Variants in MAD1L1 observed in about 807,000 individuals in gnomAD.
The protein encoded by MAD1L1 is mitotic arrest deficient 1 like 1.
Under a neutral mutation model 96.9 loss-of-function variants are expected in MAD1L1, and 95 were observed. The observed-to-expected ratio is 0.98, with a 90% CI of 0.83 to 1.16. The LOEUF (loss-of-function observed/expected upper bound fraction) is 1.16, where lower values mean the gene tolerates loss of function less well. Among genes scored for constraint, MAD1L1 ranks in the 50% most tolerant of loss-of-function variants. MAD1L1 has a pLI of 0.00. For synonymous variants in MAD1L1, 473 were observed against 396.6 expected (o/e 1.19, Z -2.29); for missense variants, 1,007 against 954.4 (o/e 1.06, Z -0.73).
At chr7:2,135,909 T>C (rs1370304646) in intron 11 of MAD1L1, among the ~76,000 whole-genome samples, 1 of 152,216 alleles carries the variant, frequency 6.6e-6, no homozygotes, top group Admixed American at 6.5e-5. Context: ...GCCAGGCATT[T>C]GGGAAGCGTG....
intron 17 of MAD1L1, among the ~76,000 whole-genome samples, chr7:1,928,865 C>T (rs1789257703): frequency 1.3e-5 from 2 of 152,210 alleles, no homozygotes; most frequent in African/African-American, 2.4e-5. Flanking sequence ...CTCCACAGTG[C>T]TTGTCCTGGT....
chr7:1,896,642 C>A (rs542150088), intron 18 of MAD1L1, among the ~76,000 whole-genome samples: 1 of 152,236 alleles, frequency 6.6e-6, no homozygotes, highest in African/African-American at 2.4e-5. Context: ...GGCCACCTTT[C>A]GCGGGAAGAT....
intron 11 of MAD1L1, among the ~76,000 whole-genome samples, chr7:2,144,400 G>A (rs980947850): frequency 3.9e-5 from 6 of 152,154 alleles, no homozygotes; most frequent in South Asian, 2.1e-4. Context: ...CCCCGCTCCC[G>A]CCACCAGCCC....
intron 10 of MAD1L1, among the ~76,000 whole-genome samples, chr7:2,153,240 T>A (rs1789667185): frequency 6.6e-6 from 1 of 151,814 alleles, no homozygotes; most frequent in Non-Finnish European, 1.5e-5. Flanking sequence ...ATCAACAGAG[T>A]GAAGAGACAG....
chr7:1,944,810 G>T (rs1253939075), intron 16 of MAD1L1, among the ~76,000 whole-genome samples: 1 of 152,186 alleles, frequency 6.6e-6, no homozygotes, highest in African/African-American at 2.4e-5. Flanking sequence ...ACGTCAGGGT[G>T]TGCCCACAGG....
At chr7:2,180,141 A>G (rs1208667802) in intron 10 of MAD1L1, among the ~76,000 whole-genome samples, 1 of 152,224 alleles carries the variant, frequency 6.6e-6, no homozygotes, top group African/African-American at 2.4e-5. Flanking sequence ...GCTGACACAG[A>G]AAAGCTAAGA....
chr7:2,211,534 G>A (rs1004965113), intron 10 of MAD1L1, among the ~76,000 whole-genome samples: 1 of 152,256 alleles, frequency 6.6e-6, no homozygotes, highest in Non-Finnish European at 1.5e-5. Context: ...TCCCTTCACA[G>A]GAAAGAAGTC....
intron 11 of MAD1L1, among the ~76,000 whole-genome samples, chr7:2,075,286 C>T (rs965595966): frequency 1.8e-4 from 27 of 152,216 alleles, no homozygotes; most frequent in Non-Finnish European, 3.1e-4. Context: ...GTGCTGCCCA[C>T]CCAGGCGTGC....
intron 10 of MAD1L1, among the ~76,000 whole-genome samples, chr7:2,191,180 G>A (rs1014844707): frequency 7.2e-5 from 11 of 152,148 alleles, no homozygotes; most frequent in Admixed American, 5.2e-4. Context: ...ACTGCATGAC[G>A]TATGATTCCA....
rs111676405 is a variant in MAD1L1 at position 2,186,792 on chromosome 7, C to CT, written c.986+26419dup. Among the ~76,000 whole-genome samples, 1,338 of 143,064 alleles carry CT rather than the reference C, an allele frequency of 9.4e-3. 22 individuals are homozygous for CT. Among genetic ancestry groups the CT allele is most frequent in the African/African-American group, 0.027 (1,070 of 39,046 alleles). The allele number at this position is 143,064 out of a possible 152,430, so 93.9% of individuals were successfully genotyped here. ...GTAACATCAAAACTATTTTCTTTTT[C>CT]TTTTTTTTTTTTTTTCTCTGAGACG... is the stretch of plus-strand genomic sequence containing the variant. On this transcript the variant is annotated intron_variant, in intron 10 of 18. Transcript: ENST00000265854.
intron 9 of MAD1L1, among the ~76,000 whole-genome samples, chr7:2,215,310 G>A (rs532385293): frequency 3.3e-5 from 5 of 151,038 alleles, no homozygotes; most frequent in African/African-American, 7.3e-5. Context: ...CCCGGGAGGC[G>A]GAGGTTGCAG....
intron 11 of MAD1L1, among the ~76,000 whole-genome samples, chr7:2,135,702 T>C (rs755308721): frequency 2.2e-4 from 33 of 152,282 alleles, no homozygotes; most frequent in Non-Finnish European, 4.0e-4. Context: ...CCACCAGCTC[T>C]CGCCACCTCT....
At chr7:2,138,030 G>A (rs773678391) in intron 11 of MAD1L1, among the ~76,000 whole-genome samples, 157 of 152,352 alleles carry the variant, frequency 1.0e-3, no homozygotes, top group East Asian at 5.8e-4. Flanking sequence ...TACTGACAGC[G>A]CGGGCCAGCC....
intron 16 of MAD1L1, among the ~76,000 whole-genome samples, chr7:1,942,923 T>A (rs939656393): frequency 6.6e-6 from 1 of 152,132 alleles, no homozygotes; most frequent in Non-Finnish European, 1.5e-5. Context: ...GGTGTGGGCA[T>A]GAGGACCGAC....
chr7:2,208,360 G>A (rs995574779), intron 10 of MAD1L1, among the ~76,000 whole-genome samples: 3 of 151,656 alleles, frequency 2.0e-5, no homozygotes, highest in African/African-American at 7.3e-5. Flanking sequence ...TCCAGGTACA[G>A]TTTTACTTCC....
chr7:2,099,280 C>T (rs147158903), intron 11 of MAD1L1, among the ~76,000 whole-genome samples: 3 of 152,364 alleles, frequency 2.0e-5, no homozygotes, highest in Non-Finnish European at 4.4e-5. Context: ...CTGTGCACTC[C>T]GGCGCCCGGC....
At chr7:1,824,463 T>C (rs1782286250) in intron 18 of MAD1L1, among the ~76,000 whole-genome samples, 1 of 152,176 alleles carries the variant, frequency 6.6e-6, no homozygotes, top group Admixed American at 6.5e-5. Context: ...GAGGAAACCC[T>C]GTGCCCACGT....
intron 12 of MAD1L1, among the ~76,000 whole-genome samples, chr7:2,019,630 TG>T (rs1782693039): frequency 6.6e-6 from 1 of 151,064 alleles, no homozygotes. Flanking sequence ...GGGTTGGGGG[TG>T]GGGGTCGGGC....
At chr7:2,141,706 G>A (rs766291850) in intron 11 of MAD1L1, among the ~76,000 whole-genome samples, 72 of 152,206 alleles carry the variant, frequency 4.7e-4, no homozygotes, top group Non-Finnish European at 8.7e-4. Context: ...GCCCCACGAG[G>A]AGGTTCTAAG....
Sources: gnomAD v4.1 joint callset for allele counts (sites outside exome capture counted in the v4.1 genomes callset) on GRCh38, gnomAD v4.1.1 for gene constraint, MANE v1.5 for transcripts, NCBI Gene and HGNC (gene_info 2026-07-23, HGNC 2026-07-21) for gene names.